Variants in MED17 observed in about 807,000 individuals in gnomAD.
MED17 encodes the protein mediator of RNA polymerase II transcription subunit 17.
A neutral mutation model predicts 80.8 loss-of-function variants in MED17; 49 were observed. The ratio of observed to expected loss-of-function variants is 0.61; its 90% CI spans 0.48 to 0.77. The LOEUF is 0.77. Among genes scored for constraint, MED17 ranks in the 30% least tolerant of loss-of-function variants. MED17 has a pLI of 0.00. For synonymous variants in MED17, 281 were observed against 280.4 expected (o/e 1.00, Z -0.02); for missense variants, 718 against 787.0 (o/e 0.91, Z 1.05).
chr11:93,784,517 T>A lies in MED17; in HGVS notation c.4T>A (p.Ser2Thr). M[S>T]GVRAVRISIE... ...ACCGCTGGCCGACGCAGCCAGCATGTCCGGGGTGCGCGCAGTGCGGATCAG... is the reference window on the plus strand; with the variant it reads ...ACCGCTGGCCGACGCAGCCAGCATGACCGGGGTGCGCGCAGTGCGGATCAG... Residue 2 changes from serine to threonine, a missense_variant, in exon 1 of 12, where the codon TCC becomes ACC. Ser to Thr is a moderately conservative substitution (Grantham distance 58). Transcript: ENST00000251871. The A allele has an allele frequency of 6.2e-7, 1 of 1,600,268 alleles. No individual in the cohort carries two copies. Among genetic ancestry groups the A allele is most frequent in the Non-Finnish European group, 8.5e-7 (1 of 1,171,160 alleles).
Position 93,803,734 on chromosome 11 carries a change from T to C in MED17, c.1466+1762T>C, listed in dbSNP as rs548499473. On this transcript the variant is annotated intron_variant, in intron 9 of 11. Transcript: ENST00000251871. Reference sequence around the variant, plus strand: ...CAATGGAAAAGAAAAGAGAAAATTATCATCATTGAATTGTTTAGACTTAGA... The same window carrying C: ...CAATGGAAAAGAAAAGAGAAAATTACCATCATTGAATTGTTTAGACTTAGA... 3.9e-3 allele frequency among the ~76,000 whole-genome samples: 586 copies of C among 152,160 alleles called. 10 individuals carry two copies. Among genetic ancestry groups the C allele is most frequent in the Middle Eastern group, 0.014 (4 of 294 alleles).
At chr11:93,788,299 G>A (rs779427295) in intron 2 of MED17, 132 bp downstream of exon 2, 1 of 723,806 alleles carries the variant, frequency 1.4e-6, no homozygotes, top group African/African-American at 1.8e-5. Flanking sequence ...AAGACTAACT[G>A]GTCTAAAACA....
chr11:93,793,135 T>TTTTTTTTTTTTTTTTTTTTG, intron 3 of MED17: 1 of 145,056 alleles, frequency 6.9e-6, no homozygotes, highest in South Asian at 2.3e-4. Context: ...TTTTTTTTTT[T>TTTTTTTTTTTTTTTTTTTTG]GAGACAGAGT....
chr11:93,794,499 C>G (rs898159642), intron 5 of MED17: 1 of 252,532 alleles, frequency 4.0e-6, no homozygotes, highest in African/African-American at 2.3e-5. Context: ...CCACCAGCAC[C>G]TTTTTTTAAG....
At chr11:93,785,329 A>G (rs1371145026) in intron 1 of MED17, among the ~76,000 whole-genome samples, 1 of 152,240 alleles carries the variant, frequency 6.6e-6, no homozygotes, top group African/African-American at 2.4e-5. Flanking sequence ...AGTTTACTCT[A>G]GATGCTTTCT....
Position 93,794,044 on chromosome 11 carries a change from A to G in MED17, c.859+9A>G. 6.2e-7 allele frequency: 1 copy of G among 1,602,538 alleles called. No individual in the cohort carries two copies. The highest frequency in any genetic ancestry group is 1.1e-5 in the South Asian group (1 of 90,860). Reference sequence around the variant, plus strand: ...GCCCAAATCCAAACCAGGTATGGTTATGTTCTATTCTCTAATTTCTGGTCT... The same window carrying G: ...GCCCAAATCCAAACCAGGTATGGTTGTGTTCTATTCTCTAATTTCTGGTCT... On this transcript the variant is annotated intron_variant, in intron 5 of 11. Transcript: ENST00000251871.
chr11:93,811,651 A>C (rs1422415906), intron 11 of MED17: 1 of 579,194 alleles, frequency 1.7e-6, no homozygotes, highest in Non-Finnish European at 3.1e-6. Context: ...ATAATAATTC[A>C]TGAATATTTA....
intron 7 of MED17, 156 bp from the exon 8 acceptor site, chr11:93,797,379 A>T: frequency 2.9e-6 from 2 of 700,774 alleles, no homozygotes; most frequent in Non-Finnish European, 5.0e-6. Context: ...ATTATGTGTG[A>T]CCTAGTAGTT....
rs541062162 is a variant in MED17, at chr11:93,814,142, G to A, written c.*2078G>A. On this transcript the variant is annotated 3_prime_UTR_variant, in exon 12 of 12. Transcript: ENST00000251871. ...TGAGAATACATGTGCAGATACTACC[G>A]TCTGTTCTTTTAAACCCCATCTGAG... The A allele has an allele frequency of 1.4e-4, 21 of 152,236 alleles. No individual in the cohort carries two copies. In the Middle Eastern group the frequency reaches 0.01, roughly 74 times the overall value. The allele number at this position is 152,236 out of a possible 1,614,324, so 9.4% of individuals were successfully genotyped here.
chr11:93,802,264 A>G (rs1943970901), intron 9 of MED17, among the ~76,000 whole-genome samples: 1 of 152,042 alleles, frequency 6.6e-6, no homozygotes, highest in South Asian at 2.1e-4. Flanking sequence ...CCCCATGCCC[A>G]GCTAATTAAA....
chr11:93,788,068 G>C lies in MED17; in HGVS notation c.318G>C (p.Leu106=), dbSNP rs762718652. ...DSVRNNLRSA[L]TEMCVLYDVL... is the part of the protein sequence containing the mutation. ...TGAGGAACAATTTGAGAAGTGCCCTGACAGAGATGTGTGTTCTCTATGATG... is the reference window on the plus strand; with the variant it reads ...TGAGGAACAATTTGAGAAGTGCCCTCACAGAGATGTGTGTTCTCTATGATG... Residue 106 remains leucine (L), a synonymous_variant, in exon 2 of 12, where the codon CTG becomes CTC. Transcript: ENST00000251871. 6.2e-7 allele frequency: 1 copy of C among 1,613,764 alleles called. No individual in the cohort carries two copies. The highest frequency in any genetic ancestry group is 1.1e-5 in the South Asian group (1 of 91,062).
chr11:93,807,979 G>A (rs1241161820), intron 10 of MED17: 1 of 325,214 alleles, frequency 3.1e-6, no homozygotes, highest in African/African-American at 2.1e-5. Context: ...AAGAAAACTA[G>A]AGAAAGGGAG....
At chr11:93,790,281 A>G (rs925448809) in intron 2 of MED17, 1 of 503,396 alleles carries the variant, frequency 2.0e-6, no homozygotes, top group Admixed American at 2.4e-5. Context: ...GGCAATATAT[A>G]AGGAGAGGAA....
intron 3 of MED17, among the ~76,000 whole-genome samples, chr11:93,791,961 A>G (rs927939955): frequency 1.3e-5 from 2 of 152,186 alleles, no homozygotes; most frequent in Admixed American, 6.5e-5. Context: ...GGGGCATACT[A>G]AAGTTTGATG....
intron 10 of MED17, 50 bp from the exon 11 acceptor site, chr11:93,809,667 C>T: frequency 6.3e-7 from 1 of 1,598,904 alleles, no homozygotes; most frequent in Non-Finnish European, 8.6e-7. Context: ...TGTTAAGTCA[C>T]TGCAGATATC....
intron 6 of MED17, chr11:93,795,998 A>T: frequency 5.7e-6 from 1 of 174,430 alleles, no homozygotes; most frequent in East Asian, 1.6e-4. Flanking sequence ...TCCAGGCTGG[A>T]GTGCAATGGC....
rs1313188859 is a variant in MED17, at chr11:93,807,646, C to T, written c.1584+11C>T. On this transcript the variant is annotated intron_variant, in intron 10 of 11. Transcript: ENST00000251871. Reference sequence around the variant, plus strand: ...TTTCTTCTGTCTCAGGTAACAGTTGCAGATTTTGTCTTAAGCCCCCTTCTT... The same window carrying T: ...TTTCTTCTGTCTCAGGTAACAGTTGTAGATTTTGTCTTAAGCCCCCTTCTT... The T allele has an allele frequency of 6.7e-7, 1 of 1,491,502 alleles. No individual in the cohort carries two copies. Among genetic ancestry groups the T allele is most frequent in the African/African-American group, 1.4e-5 (1 of 72,040 alleles). 92.4% of individuals were successfully genotyped at this position (1,491,502 alleles called of 1,614,324 possible).
chr11:93,801,512 A>C (rs962941939), intron 8 of MED17: 5 of 330,948 alleles, frequency 1.5e-5, no homozygotes, highest in African/African-American at 2.1e-5. Context: ...AGAATATCGA[A>C]TATCCTTCTC....
At chr11:93,800,596 T>C (rs1029484971) in intron 8 of MED17, 6 of 147,790 alleles carry the variant, frequency 4.1e-5, no homozygotes, top group Non-Finnish European at 5.9e-5. Flanking sequence ...ACCACTGCAC[T>C]CCATCCTGGG....
Sources: gnomAD v4.1 joint callset for allele counts (sites outside exome capture counted in the v4.1 genomes callset) on GRCh38, gnomAD v4.1.1 for gene constraint, MANE v1.5 for transcripts, NCBI Gene and HGNC (gene_info 2026-07-23, HGNC 2026-07-21) for gene names.